Variants in TMEM232 observed in about 807,000 individuals in gnomAD.
TMEM232 encodes transmembrane protein 232.
In TMEM232, 80 loss-of-function variants were observed where a neutral mutation model predicts 78.8. That is an observed-to-expected ratio of 1.01 (90% CI 0.85 to 1.22). The LOEUF (loss-of-function observed/expected upper bound fraction) is 1.22. Among genes scored for constraint, TMEM232 ranks in the 50% most tolerant of loss-of-function variants. The probability of loss-of-function intolerance (pLI) is 0.00; values close to 1 mark genes in which losing one functional copy is unlikely to be tolerated. For missense variants in TMEM232, 881 were observed against 742.2 expected, an observed-to-expected ratio of 1.19 and a Z score of -2.17; for synonymous variants, 297 against 254.3, an observed-to-expected ratio of 1.17 and a Z score of -1.60.
chr5:110,556,502 C>G (rs1412094244), intron 11 of TMEM232, among the ~76,000 whole-genome samples: 1 of 152,066 alleles, frequency 6.6e-6, no homozygotes, highest in Non-Finnish European at 1.5e-5. Flanking sequence ...ATCCTCCCAC[C>G]ATAGCCTCCT....
intron 12 of TMEM232, among the ~76,000 whole-genome samples, chr5:110,426,395 A>G (rs1365106942): frequency 6.6e-6 from 1 of 151,990 alleles, no homozygotes; most frequent in East Asian, 1.9e-4. Context: ...TATTTAATGA[A>G]TGTTTGTATG....
At chr5:110,668,771 AAACT>A (rs1458152384) in intron 1 of TMEM232, among the ~76,000 whole-genome samples, 1 of 152,176 alleles carries the variant, frequency 6.6e-6, no homozygotes, top group East Asian at 1.9e-4. Context: ...AAATTATAAC[AAACT>A]GTCTCGCAGA....
chr5:110,478,897 A>ATTTTTTTTTT (rs746104997), intron 12 of TMEM232, among the ~76,000 whole-genome samples: 13 of 111,808 alleles, frequency 1.2e-4, no homozygotes, highest in East Asian at 2.5e-4. Flanking sequence ...GGAGAAATTG[A>ATTTTTTTTTT]TTTTTTTTTT....
chr5:110,651,897 T>C (rs1228147335), intron 2 of TMEM232, among the ~76,000 whole-genome samples: 1 of 152,178 alleles, frequency 6.6e-6, no homozygotes, highest in African/African-American at 2.4e-5. Flanking sequence ...GTAATATTAA[T>C]GTACCCGCCT....
chr5:110,388,526 G>T (rs1362816506), intron 4 of TMEM232, among the ~76,000 whole-genome samples: 1 of 152,136 alleles, frequency 6.6e-6, no homozygotes, highest in Non-Finnish European at 1.5e-5. Context: ...ACCTTACCAA[G>T]GACTTTCGTA....
chr5:110,733,757 A>C (rs753307396), intron 2 of TMEM232, among the ~76,000 whole-genome samples: 6 of 152,198 alleles, frequency 3.9e-5, no homozygotes, highest in Non-Finnish European at 8.8e-5. Context: ...CTGGGTGATG[A>C]AATAACCTGT....
chr5:110,394,683 C>T (rs1283962410), intron 3 of TMEM232, among the ~76,000 whole-genome samples: 3 of 152,140 alleles, frequency 2.0e-5, no homozygotes, highest in South Asian at 2.1e-4. Context: ...TTTATCTCTT[C>T]GTTGACCCAC....
In TMEM232 at chr5:110,420,613, G is replaced by A; in HGVS notation, c.1941C>T (p.Pro647=). 1 of 1,492,768 alleles carries A rather than the reference G, an allele frequency of 6.7e-7. No homozygotes were observed. The allele number at this position is 1,492,768 out of a possible 1,614,324, so 92.5% of individuals were successfully genotyped here. The change falls in exon 14 of 14, where the codon CCC becomes CCT. Residue 647 remains proline (P), a synonymous_variant. Coordinates refer to ENST00000455884, the MANE Select transcript of TMEM232 (RefSeq NM_001039763.4). ...REEKLHKQTK[P]YELPYRKEVI is the part of the protein sequence containing the mutation. ...CTTCCTTCCTATAAGGAAGTTCATA[G>A]GGCTTGGTTTGCTTATGTAGTTTCT...
At chr5:110,501,370 T>A (rs1298751176) in intron 12 of TMEM232, among the ~76,000 whole-genome samples, 1 of 151,936 alleles carries the variant, frequency 6.6e-6, no homozygotes, top group Non-Finnish European at 1.5e-5. Context: ...AGAATGTAAA[T>A]ACTAATTAGT....
chr5:110,507,778 G>C (rs776674392), intron 12 of TMEM232, among the ~76,000 whole-genome samples: 1 of 152,216 alleles, frequency 6.6e-6, no homozygotes, highest in Non-Finnish European at 1.5e-5. Context: ...TTGAGAACTT[G>C]TGAGGATGAG....
chr5:110,427,618 GA>G (rs1161920332), intron 12 of TMEM232, among the ~76,000 whole-genome samples: 1 of 151,658 alleles, frequency 6.6e-6, no homozygotes, highest in African/African-American at 2.4e-5. Context: ...AGTTCTGGAG[GA>G]AAAAAAATTC....
rs1791834410 is a variant in TMEM232, at chr5:110,674,946, C to T, written c.-12-7582G>A. 1.3e-5 allele frequency among the ~76,000 whole-genome samples: 2 copies of T among 152,092 alleles called. 1 individual carries two copies. Among genetic ancestry groups the T allele is most frequent in the South Asian group, 4.1e-4 (2 of 4,822 alleles). ...GAAAGGTAGAACTGTTGGATTAGCA[C>T]CATTATTTACAAGTATAATTAGCTC... On this transcript the variant is annotated intron_variant, in intron 1 of 13. Coordinates refer to ENST00000455884, the MANE Select transcript of TMEM232 (RefSeq NM_001039763.4).
chr5:110,441,612 T>C (rs79252696), intron 12 of TMEM232, among the ~76,000 whole-genome samples: 3,757 of 152,210 alleles, frequency 0.025, 146 homozygotes, highest in African/African-American at 0.084. Flanking sequence ...AAGATGATGA[T>C]ATAGCGTTTC....
intron 12 of TMEM232, among the ~76,000 whole-genome samples, chr5:110,516,428 T>G (rs1454792202): frequency 6.6e-6 from 1 of 152,110 alleles, no homozygotes. Context: ...GGGAATTGGG[T>G]TTTTAAAATT....
chr5:110,631,573 G>A (rs552285202), intron 5 of TMEM232, among the ~76,000 whole-genome samples: 1 of 152,290 alleles, frequency 6.6e-6, no homozygotes, highest in South Asian at 2.1e-4. Context: ...GGAGGCTAGG[G>A]CAGGTGAACC....
Position 110,420,598 on chromosome 5 carries a change from A to C in TMEM232, c.1956T>G (p.Tyr652Ter). 6.8e-7 allele frequency: 1 copy of C among 1,479,062 alleles called. No individual in the cohort carries two copies. The highest frequency in any genetic ancestry group is 8.9e-7 in the Non-Finnish European group (1 of 1,128,814). 91.6% of individuals were successfully genotyped at this position (1,479,062 alleles called of 1,614,324 possible). ...TTTCTAATTAAATTACTTCCTTCCT[A>C]TAAGGAAGTTCATAGGGCTTGGTTT... The part of the protein sequence containing the change: ...HKQTKPYELP[Y>*]RKEVI The change falls in exon 14 of 14, where the codon TAT (tyrosine) becomes TAG (stop). Residue 652 changes from tyrosine to a stop codon, truncating the protein, a stop_gained. Transcript: ENST00000455884. LOFTEE classifies it high-confidence loss of function.
intron 10 of TMEM232, among the ~76,000 whole-genome samples, chr5:110,592,414 C>G (rs1450524425): frequency 6.6e-6 from 1 of 152,134 alleles, no homozygotes; most frequent in Non-Finnish European, 1.5e-5. Flanking sequence ...ACAAATGCCA[C>G]TAGTACTATT....
chr5:110,616,149 A>T (rs972295875), intron 8 of TMEM232, among the ~76,000 whole-genome samples: 2 of 152,038 alleles, frequency 1.3e-5, no homozygotes. Flanking sequence ...AGCTGGAAAC[A>T]TTGCAAAACT....
At chr5:110,738,218 C>G, upstream of TMEM232, 1 of 1,286,848 alleles carries the variant, frequency 7.8e-7, no homozygotes. Flanking sequence ...GGGAGCCTGG[C>G]CCAAGAGCCC....
Sources: gnomAD v4.1 joint callset for allele counts (sites outside exome capture counted in the v4.1 genomes callset) on GRCh38, gnomAD v4.1.1 for gene constraint, MANE v1.5 for transcripts, NCBI Gene and HGNC (gene_info 2026-07-23, HGNC 2026-07-21) for gene names.